OR2L13: variants seen among roughly 807,000 people sequenced by gnomAD.
OR2L13 encodes the protein olfactory receptor family 2 subfamily L member 13, also known as olfactory receptor 2L13.
In OR2L13, 14 loss-of-function variants were observed where a neutral mutation model predicts 15.3. The ratio of observed to expected loss-of-function variants is 0.91; its 90% CI spans 0.60 to 1.43. The LOEUF (loss-of-function observed/expected upper bound fraction) is 1.43. Ranked by LOEUF, OR2L13 falls within the 40% of genes most tolerant of loss-of-function variation. OR2L13 has a pLI of 0.00. For missense variants in OR2L13, 367 were observed against 387.9 expected, an observed-to-expected ratio of 0.95 and a Z score of 0.45; for synonymous variants, 152 against 142.9, an observed-to-expected ratio of 1.06 and a Z score of -0.45.
the OR2L13 span, chr1:247,937,224 C>CCACCAGGTGGA: frequency 2.0e-5 from 3 of 153,308 alleles, no homozygotes; most frequent in Admixed American, 6.5e-5. Flanking sequence ...CCAGCCGCGG[C>CCACCAGGTGGA]GTCTTTGGCA....
chr1:247,998,495 C>T, the OR2L13 span, among the ~76,000 whole-genome samples: 1 of 152,058 alleles, frequency 6.6e-6, no homozygotes, highest in Non-Finnish European at 1.5e-5. Context: ...TTATGTCATG[C>T]TCATTATAAT....
chr1:247,962,852 A>G, the OR2L13 span, among the ~76,000 whole-genome samples: 2 of 152,220 alleles, frequency 1.3e-5, no homozygotes, highest in African/African-American at 2.4e-5. Context: ...TGCTCATATT[A>G]TTATTCTTGT....
chr1:247,962,898 ATTTTC>A, the OR2L13 span, among the ~76,000 whole-genome samples: 1 of 152,080 alleles, frequency 6.6e-6, no homozygotes, highest in African/African-American at 2.4e-5. Context: ...TAATACATGT[ATTTTC>A]TTTTTTTAAG....
the OR2L13 span, among the ~76,000 whole-genome samples, chr1:248,089,009 C>T: frequency 6.6e-6 from 1 of 152,060 alleles, no homozygotes; most frequent in African/African-American, 2.4e-5. Context: ...GAGCATCAGA[C>T]TCCAGATGCT....
the OR2L13 span, among the ~76,000 whole-genome samples, chr1:247,996,548 A>C: frequency 6.6e-6 from 1 of 152,212 alleles, no homozygotes; most frequent in Non-Finnish European, 1.5e-5. Context: ...AGTGTAAAAT[A>C]GTCAATTTCT....
chr1:247,981,867 G>C, the OR2L13 span, among the ~76,000 whole-genome samples: 17 of 151,324 alleles, frequency 1.1e-4, no homozygotes, highest in South Asian at 2.1e-4. Flanking sequence ...CCAGGCTGGA[G>C]TGCAGTGGTG....
the OR2L13 span, among the ~76,000 whole-genome samples, chr1:248,058,041 T>C: frequency 1.3e-5 from 2 of 152,210 alleles, no homozygotes; most frequent in Non-Finnish European, 1.5e-5. Flanking sequence ...CCGTGTCTTG[T>C]TGCAAATCTT....
At chr1:248,066,874 C>A in the OR2L13 span, among the ~76,000 whole-genome samples, 44 of 152,154 alleles carry the variant, frequency 2.9e-4, no homozygotes, top group Non-Finnish European at 5.9e-5. Flanking sequence ...AGATATTTCC[C>A]TGGTGCTAAA....
the OR2L13 span, among the ~76,000 whole-genome samples, chr1:248,031,984 CAAATAATAG>C: frequency 6.6e-6 from 1 of 151,974 alleles, no homozygotes; most frequent in Non-Finnish European, 1.5e-5. Flanking sequence ...ATATAAAATA[CAAATAATAG>C]AAATGTTTGG....
chr1:247,966,391 T>C, the OR2L13 span: 23 of 1,508,664 alleles, frequency 1.5e-5, no homozygotes, highest in Non-Finnish European at 2.1e-5. Context: ...TGGAAAGATA[T>C]AAATATGTGT....
At chr1:248,078,158 G>T in the OR2L13 span, among the ~76,000 whole-genome samples, 1 of 152,116 alleles carries the variant, frequency 6.6e-6, no homozygotes, top group Admixed American at 6.5e-5. Context: ...AATGCAATTG[G>T]GTATTTCAAA....
chr1:248,047,527 T>A, the OR2L13 span, among the ~76,000 whole-genome samples: 1 of 152,262 alleles, frequency 6.6e-6, no homozygotes, highest in African/African-American at 2.4e-5. Flanking sequence ...GGTAACCGTA[T>A]GATTAGTAGC....
At chr1:247,986,700 G>A in the OR2L13 span, among the ~76,000 whole-genome samples, 2 of 152,104 alleles carry the variant, frequency 1.3e-5, no homozygotes, top group Non-Finnish European at 2.9e-5. Context: ...AATTACCTTG[G>A]GGGTTATGGC....
At chr1:248,038,525 T>C in the OR2L13 span, 70 of 1,614,214 alleles carry the variant, frequency 4.3e-5, 1 homozygote, top group Middle Eastern at 6.6e-4. Context: ...ATTTTCTGTA[T>C]GGAAACAAGT....
the OR2L13 span, chr1:248,038,704 G>T: frequency 1.9e-6 from 3 of 1,614,098 alleles, no homozygotes; most frequent in South Asian, 2.2e-5. Context: ...ATGATAACAG[G>T]ATCTTGGATG....
At chr1:247,978,612 T>C in the OR2L13 span, among the ~76,000 whole-genome samples, 1 of 152,356 alleles carries the variant, frequency 6.6e-6, no homozygotes, top group East Asian at 1.9e-4. Context: ...AGGTCACTTT[T>C]ATTTACATTC....
chr1:247,997,429 TG>T, the OR2L13 span, among the ~76,000 whole-genome samples: 1 of 152,194 alleles, frequency 6.6e-6, no homozygotes, highest in Non-Finnish European at 1.5e-5. Flanking sequence ...ACAATTTGAA[TG>T]TGTATAATAC....
the OR2L13 span, among the ~76,000 whole-genome samples, chr1:248,064,094 A>G: frequency 6.6e-6 from 1 of 152,182 alleles, no homozygotes; most frequent in Non-Finnish European, 1.5e-5. Context: ...AGTGAATGAG[A>G]TCATGCAGTC....
the OR2L13 span, among the ~76,000 whole-genome samples, chr1:247,978,062 G>C: frequency 1.3e-5 from 2 of 152,092 alleles, no homozygotes; most frequent in African/African-American, 4.8e-5. Flanking sequence ...TGGGGACTTA[G>C]GAAAATTTTG....
Sources: gnomAD v4.1 joint callset for allele counts (sites outside exome capture counted in the v4.1 genomes callset) on GRCh38, gnomAD v4.1.1 for gene constraint, MANE v1.5 for transcripts, NCBI Gene and HGNC (gene_info 2026-07-23, HGNC 2026-07-21) for gene names.